ZPBP: variants seen among roughly 807,000 people sequenced by gnomAD.
ZPBP encodes zona pellucida binding protein.
A neutral mutation model predicts 44.8 loss-of-function variants in ZPBP; 26 were observed. That is an observed-to-expected ratio of 0.58 (90% CI 0.43 to 0.81). The LOEUF (loss-of-function observed/expected upper bound fraction) is 0.81, where lower values mean the gene tolerates loss of function less well. Ranked by LOEUF, ZPBP falls within the 30% of genes least tolerant of loss-of-function variation. The pLI is 0.00. For synonymous variants in ZPBP, 174 were observed against 153.2 expected, an observed-to-expected ratio of 1.14 and a Z score of -1.00; for missense variants, 409 against 434.0, an observed-to-expected ratio of 0.94 and a Z score of 0.51.
At chr7:49,908,911 A>G (rs1793249612) in intron 1 of ZPBP, among the ~76,000 whole-genome samples, 1 of 152,390 alleles carries the variant, frequency 6.6e-6, no homozygotes, top group Admixed American at 6.5e-5. Context: ...TATATTCTAC[A>G]GTAAAATGCA....
At chr7:49,847,441 C>T (rs1315214572), downstream of ZPBP, among the ~76,000 whole-genome samples, 15 of 152,016 alleles carry the variant, frequency 9.9e-5, no homozygotes, top group Non-Finnish European at 2.1e-4. Context: ...GCAGGGATCC[C>T]TGACCATTAT....
downstream of ZPBP, among the ~76,000 whole-genome samples, chr7:49,846,043 C>A (rs945969919): frequency 7.2e-5 from 11 of 152,182 alleles, no homozygotes; most frequent in African/African-American, 2.7e-4. Context: ...GTCCTGCTTT[C>A]CAAAAAGTAT....
intron 6 of ZPBP, among the ~76,000 whole-genome samples, chr7:50,011,971 C>A (rs1798604627): frequency 1.3e-5 from 2 of 149,716 alleles, no homozygotes; most frequent in Admixed American, 1.3e-4. Context: ...GCAGAAGTTG[C>A]AGTGAGCCAA....
At chr7:50,057,878 A>G (rs1801043765) in intron 4 of ZPBP, 111 bp downstream of exon 4, 1 of 1,042,516 alleles carries the variant, frequency 9.6e-7, no homozygotes, top group Admixed American at 2.6e-5. Flanking sequence ...TTCTTTTTTA[A>G]TTAAATGAGA....
At chr7:49,993,589 T>A (rs1449233429) in intron 6 of ZPBP, among the ~76,000 whole-genome samples, 1 of 152,148 alleles carries the variant, frequency 6.6e-6, no homozygotes, top group East Asian at 1.9e-4. Context: ...TGTAACAACA[T>A]TAAATAAGAA....
intron 4 of ZPBP, among the ~76,000 whole-genome samples, chr7:50,043,256 CGT>C (rs1800183263): frequency 6.6e-6 from 1 of 152,174 alleles, no homozygotes; most frequent in African/African-American, 2.4e-5. Flanking sequence ...TCAATAAATA[CGT>C]GGGTAAAACT....
At chr7:49,993,378 A>C (rs1797650310) in intron 6 of ZPBP, among the ~76,000 whole-genome samples, 1 of 152,160 alleles carries the variant, frequency 6.6e-6, no homozygotes, top group African/African-American at 2.4e-5. Flanking sequence ...AGATAGGAAA[A>C]ATAGAAAGAA....
chr7:49,872,915 C>CAAAAAAAAAAAAAA (rs61473396), intron 2 of ZPBP, among the ~76,000 whole-genome samples: 12 of 33,950 alleles, frequency 3.5e-4, no homozygotes, highest in South Asian at 1.6e-3. Flanking sequence ...GACTTTGTCT[C>CAAAAAAAAAAAAAA]AAAAAAAAAA....
chr7:50,087,252 C>A (rs1286735380), intron 2 of ZPBP, among the ~76,000 whole-genome samples: 1 of 151,904 alleles, frequency 6.6e-6, no homozygotes, highest in East Asian at 1.9e-4. Context: ...TCCTTATGAA[C>A]ATAGCCATAA....
At chr7:49,890,310 GC>G (rs1792074198) in intron 2 of ZPBP, among the ~76,000 whole-genome samples, 1 of 152,164 alleles carries the variant, frequency 6.6e-6, no homozygotes, top group Non-Finnish European at 1.5e-5. Flanking sequence ...AGGGACACAT[GC>G]AAAATTGTAT....
intron 2 of ZPBP, among the ~76,000 whole-genome samples, chr7:49,866,306 C>G (rs1048310627): frequency 6.6e-6 from 1 of 152,196 alleles, no homozygotes; most frequent in Non-Finnish European, 1.5e-5. Context: ...TGGCCTAACA[C>G]TGGTTGCCAC....
chr7:49,854,228 C>A (rs1790321423), intron 2 of ZPBP, among the ~76,000 whole-genome samples: 1 of 152,056 alleles, frequency 6.6e-6, no homozygotes, highest in African/African-American at 2.4e-5. Flanking sequence ...GGATATATAC[C>A]CAGTAATGGG....
chr7:49,977,128 A>AATAAATAAATAAATAT (rs893295641), intron 7 of ZPBP, among the ~76,000 whole-genome samples: 42 of 151,366 alleles, frequency 2.8e-4, no homozygotes, highest in Admixed American at 8.5e-4. Flanking sequence ...TAAATAAATA[A>AATAAATAAATAAATAT]ATAAATAGAA....
At chr7:49,906,810 G>A (rs1256383408) in intron 1 of ZPBP, among the ~76,000 whole-genome samples, 1 of 147,276 alleles carries the variant, frequency 6.8e-6, no homozygotes, top group African/African-American at 2.4e-5. Flanking sequence ...CTCTAGGATT[G>A]TGTGTTTTAA....
chr7:49,888,096 G>C (rs997310997), intron 2 of ZPBP, among the ~76,000 whole-genome samples: 1 of 152,196 alleles, frequency 6.6e-6, no homozygotes, highest in African/African-American at 2.4e-5. Context: ...ACTCTTCTCA[G>C]CCTCTTCAGT....
At chr7:49,943,018 A>C (rs1286254569) in intron 7 of ZPBP, 2 of 271,622 alleles carry the variant, frequency 7.4e-6, no homozygotes, top group Non-Finnish European at 1.4e-5. Context: ...AGGAGGGTGA[A>C]AGCTGGGGGG....
intron 2 of ZPBP, among the ~76,000 whole-genome samples, chr7:49,865,017 T>G (rs57408745): frequency 0.7 from 106,353 of 151,496 alleles, 37,777 homozygotes; most frequent in East Asian, 0.88. Flanking sequence ...CTCAATTTTT[T>G]CTGATATCCC....
At chr7:50,072,615 T>C (rs1801901526) in intron 3 of ZPBP, among the ~76,000 whole-genome samples, 1 of 152,126 alleles carries the variant, frequency 6.6e-6, no homozygotes, top group African/African-American at 2.4e-5. Flanking sequence ...ACCTCCAACT[T>C]TAGGTGACTC....
intron 3 of ZPBP, among the ~76,000 whole-genome samples, chr7:50,061,106 C>A (rs527651115): frequency 1.3e-5 from 2 of 152,148 alleles, no homozygotes; most frequent in African/African-American, 4.8e-5. Context: ...CAATGAAATT[C>A]AACCTCCCTT....
Sources: gnomAD v4.1 joint callset for allele counts (sites outside exome capture counted in the v4.1 genomes callset) on GRCh38, gnomAD v4.1.1 for gene constraint, MANE v1.5 for transcripts, NCBI Gene and HGNC (gene_info 2026-07-23, HGNC 2026-07-21) for gene names.